The following ARL2BP variants were observed in gnomAD, a reference collection of about 807,000 sequenced individuals.
ARL2BP encodes ADP-ribosylation factor-like protein 2-binding protein.
In ARL2BP, 19 loss-of-function variants were observed where a neutral mutation model predicts 24.2. The observed-to-expected ratio is 0.79, with a 90% confidence interval of 0.55 to 1.15. The LOEUF (loss-of-function observed/expected upper bound fraction) is 1.15, where lower values mean the gene tolerates loss of function less well. Among genes scored for constraint, ARL2BP ranks in the 50% most tolerant of loss-of-function variants. ARL2BP has a pLI of 0.00. For synonymous variants in ARL2BP, 56 were observed against 70.5 expected, an observed-to-expected ratio of 0.79 and a Z score of 1.03; for missense variants, 160 against 190.4, an observed-to-expected ratio of 0.84 and a Z score of 0.94.
intron 5 of ARL2BP, chr16:57,250,773 TTTTA>T (rs1396323055): frequency 6.9e-6 from 3 of 435,992 alleles, no homozygotes; most frequent in South Asian, 3.5e-5. Flanking sequence ...CTTGCCTTTC[TTTTA>T]TTTATTTTTT....
intron 1 of ARL2BP, 65 bp from the exon 2 acceptor site, chr16:57,246,015 C>G (rs559381844): frequency 2.1e-4 from 324 of 1,509,426 alleles, no homozygotes; most frequent in Middle Eastern, 3.4e-4. Context: ...TTGAAAACGT[C>G]CATACTAAAA....
In ARL2BP at chr16:57,250,674, A is replaced by G. The variant is rs2075404701; in HGVS notation, c.390+167A>G. The stretch of plus-strand genomic sequence containing the variant: ...ATTCTGTTGTGGCTGGGACCTTCTC[A>G]TGTTTTCATGAAACAAGCCCAGGTA... On this transcript the variant is annotated intron_variant, in intron 5 of 5. Transcript: ENST00000219204. 1.1e-5 allele frequency: 7 copies of G among 614,266 alleles called. No homozygotes were observed. In the East Asian group the frequency reaches 1.9e-4, roughly 17 times the overall value. 38.1% of individuals were successfully genotyped at this position (614,266 alleles called of 1,614,324 possible). A position where few individuals can be genotyped will look rare whatever the true frequency, so the allele number is the denominator to read the frequency against.
intron 2 of ARL2BP, among the ~76,000 whole-genome samples, chr16:57,246,618 C>G (rs1021249278): frequency 6.6e-6 from 1 of 152,018 alleles, no homozygotes; most frequent in African/African-American, 2.4e-5. Context: ...CTGGCTAACA[C>G]GGTGAAACCC....
At chr16:57,250,630 AT>A in intron 5 of ARL2BP, 123 bp downstream of exon 5, 1 of 740,264 alleles carries the variant, frequency 1.4e-6, no homozygotes, top group Non-Finnish European at 2.3e-6. Flanking sequence ...CCGATGAGGC[AT>A]CAGAAGAGTG....
At chr16:57,248,450 A>G in intron 2 of ARL2BP, 87 bp from the exon 3 acceptor site, 1 of 748,696 alleles carries the variant, frequency 1.3e-6, no homozygotes, top group Non-Finnish European at 2.2e-6. Context: ...AGAAAGCAGT[A>G]CTGCTGACAT....
chr16:57,250,251 C>T, intron 4 of ARL2BP, 160 bp from the exon 5 acceptor site: 1 of 650,226 alleles, frequency 1.5e-6, no homozygotes, highest in Non-Finnish European at 2.7e-6. Flanking sequence ...AATTGCACCC[C>T]TGCACTCCTG....
rs189864695 is a variant in ARL2BP at position 57,248,671 on chromosome 16, G to A, written c.207+28G>A. 4.7e-5 allele frequency: 64 copies of A among 1,357,946 alleles called. No individual in the cohort carries two copies. The African/African-American group carries it at 9.2e-4, about 20-fold the overall frequency. 84.1% of individuals were successfully genotyped at this position (1,357,946 alleles called of 1,614,324 possible). A position where few individuals can be genotyped will look rare whatever the true frequency, so the allele number is the denominator to read the frequency against. ...AAGTAGATTTCTATGTCTCCTACCA[G>A]GAGGTCAGAGTTTTTAAAAATTTAA... On this transcript the variant is annotated intron_variant, in intron 3 of 5. Transcript: ENST00000219204.
Position 57,246,350 on chromosome 16 carries a change from T to C in ARL2BP, c.100+209T>C. ...CTGAAAACATCTAATAAGCATAGAT[T>C]CAGAGGCTGGAAGGGACTGACTCAG... On this transcript the variant is annotated intron_variant, in intron 2 of 5. Transcript: ENST00000219204. The C allele has an allele frequency of 7.1e-6, 4 of 563,014 alleles. No individual in the cohort carries two copies. In the South Asian group the frequency reaches 9.1e-5, roughly 13 times the overall value. 34.9% of individuals were successfully genotyped at this position (563,014 alleles called of 1,614,324 possible).
chr16:57,246,849 C>T (rs1253387275), intron 2 of ARL2BP, among the ~76,000 whole-genome samples: 1 of 152,058 alleles, frequency 6.6e-6, no homozygotes, highest in East Asian at 1.9e-4. Context: ...TAACCATAAG[C>T]ACACATGGCC....
At position 57,245,296 on chromosome 16, in the gene ARL2BP, C is replaced by A; in HGVS notation, c.-72C>A. On this transcript the variant is annotated 5_prime_UTR_variant, in exon 1 of 6. Coordinates refer to ENST00000219204, the MANE Select transcript of ARL2BP (RefSeq NM_012106.4). ...GCGGCCTTGGCTGAGAGGCCTTAACCCCGCCGGGCGGCCGCGCCCTGCATG... is the reference window on the plus strand; with the variant it reads ...GCGGCCTTGGCTGAGAGGCCTTAACACCGCCGGGCGGCCGCGCCCTGCATG... The A allele has an allele frequency of 1.3e-6, 2 of 1,557,220 alleles. No homozygotes were observed. Among genetic ancestry groups the A allele is most frequent in the South Asian group, 1.2e-5 (1 of 85,030 alleles).
chr16:57,250,143 A>G (rs2075402796), intron 4 of ARL2BP: 3 of 593,636 alleles, frequency 5.1e-6, no homozygotes, highest in Non-Finnish European at 8.9e-6. Flanking sequence ...AAAATAAATT[A>G]GTCAGGTGTG....
At chr16:57,245,995 T>G in intron 1 of ARL2BP, 85 bp from the exon 2 acceptor site, 1 of 1,323,084 alleles carries the variant, frequency 7.6e-7, no homozygotes, top group Non-Finnish European at 1.1e-6. Context: ...CTTTTTTCTC[T>G]TGTGCATGTT....
At chr16:57,250,026 G>C in intron 4 of ARL2BP, 174 bp downstream of exon 4, 1 of 637,014 alleles carries the variant, frequency 1.6e-6, no homozygotes, top group Non-Finnish European at 2.7e-6. Flanking sequence ...TCAGGCATTG[G>C]CTCACGCTTG....
chr16:57,245,761 C>T (rs112888944), intron 1 of ARL2BP: 1 of 503,050 alleles, frequency 2.0e-6, no homozygotes. Context: ...CCAAATGACC[C>T]CCCCCGGCAG....
rs773707837 is a variant in ARL2BP, at chr16:57,252,952, AT to A, written c.*686del. On this transcript the variant is annotated 3_prime_UTR_variant, in exon 6 of 6. Coordinates refer to ENST00000219204, the MANE Select transcript of ARL2BP (RefSeq NM_012106.4). ...TTAAGCATTATTTTTGAAAAAAAAA[AT>A]ATTTTTATAGATGAATACTCAGGCT... is the stretch of plus-strand genomic sequence containing the variant. The A allele has an allele frequency of 2.6e-5, 4 of 152,848 alleles. No homozygotes were observed. The highest frequency in any genetic ancestry group is 9.7e-5 in the African/African-American group (4 of 41,436). 9.5% of individuals were successfully genotyped at this position (152,848 alleles called of 1,614,324 possible).
chr16:57,252,960 A>G lies in ARL2BP; in HGVS notation c.*693A>G, dbSNP rs2075413238. 6.5e-6 allele frequency: 1 copy of G among 152,934 alleles called. No individual in the cohort carries two copies. The highest frequency in any genetic ancestry group is 2.4e-5 in the African/African-American group (1 of 41,456). The allele number at this position is 152,934 out of a possible 1,614,324, so 9.5% of individuals were successfully genotyped here. A position where few individuals can be genotyped will look rare whatever the true frequency, so the allele number is the denominator to read the frequency against. On this transcript the variant is annotated 3_prime_UTR_variant, in exon 6 of 6. Transcript: ENST00000219204. ...TATTTTTGAAAAAAAAAATATTTTT[A>G]TAGATGAATACTCAGGCTAACCTAG...
At chr16:57,250,570 A>G in intron 5 of ARL2BP, 63 bp downstream of exon 5, 2 of 1,362,572 alleles carry the variant, frequency 1.5e-6, no homozygotes, top group Non-Finnish European at 2.1e-6. Context: ...AGGTAGAAAT[A>G]CCGAACATGA....
In ARL2BP at chr16:57,252,621, A is replaced by C; in HGVS notation, c.*354A>C. 1 of 279,238 alleles carries C rather than the reference A, an allele frequency of 3.6e-6. No homozygotes were observed. Among genetic ancestry groups the C allele is most frequent in the African/African-American group, 2.2e-5 (1 of 45,784 alleles). The allele number at this position is 279,238 out of a possible 1,614,324, so 17.3% of individuals were successfully genotyped here. On this transcript the variant is annotated 3_prime_UTR_variant, in exon 6 of 6. Transcript: ENST00000219204. ...AAGTGTGGACTAACCCGCCGCCACC[A>C]CCCTCTGTTCCAGCAGGCTCTGCAT...
At chr16:57,248,369 C>G in intron 2 of ARL2BP, 168 bp from the exon 3 acceptor site, 2 of 311,712 alleles carry the variant, frequency 6.4e-6, no homozygotes, top group Admixed American at 5.1e-5. Context: ...GAGGATTGGG[C>G]TATTTCCACA....
Sources: gnomAD v4.1 joint callset for allele counts (sites outside exome capture counted in the v4.1 genomes callset) on GRCh38, gnomAD v4.1.1 for gene constraint, MANE v1.5 for transcripts, NCBI Gene and HGNC (gene_info 2026-07-23, HGNC 2026-07-21) for gene names.